The following CALN1 variants were observed in gnomAD, a reference collection of about 807,000 sequenced individuals.
CALN1 encodes the protein calneuron 1, also known as calcium-binding protein 8.
A neutral mutation model predicts 30.6 loss-of-function variants in CALN1; 17 were observed. The ratio of observed to expected loss-of-function variants is 0.56; its 90% CI spans 0.38 to 0.83. CALN1 has a LOEUF of 0.83. Among genes scored for constraint, CALN1 ranks in the 40% least tolerant of loss-of-function variants. CALN1 has a pLI of 0.00. For synonymous variants in CALN1, 156 were observed against 131.4 expected (o/e 1.19, Z -1.28); for missense variants, 291 against 354.9 (o/e 0.82, Z 1.45).
chr7:72,206,473 C>A (rs1213786641), intron 3 of CALN1, among the ~76,000 whole-genome samples: 3 of 152,196 alleles, frequency 2.0e-5, no homozygotes, highest in African/African-American at 7.2e-5. Flanking sequence ...CTTGCAATTG[C>A]ATGATTTGCT....
chr7:72,031,673 T>A (rs1208060956), intron 4 of CALN1, among the ~76,000 whole-genome samples: 2 of 151,618 alleles, frequency 1.3e-5, no homozygotes, highest in African/African-American at 4.9e-5. Flanking sequence ...GTTCGAGTGA[T>A]CTTCCCACCT....
intron 3 of CALN1, among the ~76,000 whole-genome samples, chr7:72,192,282 G>A (rs1376775254): frequency 1.3e-5 from 2 of 152,260 alleles, no homozygotes; most frequent in African/African-American, 4.8e-5. Flanking sequence ...AAGCATCTGT[G>A]TCCCTCTGCT....
chr7:72,467,877 G>A, the CALN1 span, among the ~76,000 whole-genome samples: 60 of 152,176 alleles, frequency 3.9e-4, no homozygotes, highest in African/African-American at 1.2e-3. Flanking sequence ...GTTACTTCCC[G>A]TTCCCCTCTA....
chr7:72,241,026 T>C (rs1229444630), intron 3 of CALN1, among the ~76,000 whole-genome samples: 2 of 152,210 alleles, frequency 1.3e-5, no homozygotes, highest in African/African-American at 4.8e-5. Flanking sequence ...TATCTGCCCC[T>C]CTCAATAGAC....
At chr7:72,430,221 A>G (rs1252567558) in intron 1 of CALN1, among the ~76,000 whole-genome samples, 1 of 148,262 alleles carries the variant, frequency 6.7e-6, no homozygotes, top group Non-Finnish European at 1.5e-5. Flanking sequence ...AATTATATTT[A>G]TAGATTATAT....
chr7:72,096,096 T>TAA (rs1196485791), intron 4 of CALN1, among the ~76,000 whole-genome samples: 27 of 143,974 alleles, frequency 1.9e-4, no homozygotes, highest in African/African-American at 3.1e-4. Context: ...TAGATAAAGA[T>TAA]AGATAGATAG....
chr7:72,315,702 C>T lies in CALN1; in HGVS notation c.120-36892G>A, dbSNP rs1019164979. Among the ~76,000 whole-genome samples, 229 of 150,120 alleles carry T rather than the reference C, an allele frequency of 1.5e-3. 5 individuals carry two copies. The highest frequency in any genetic ancestry group is 4.9e-4 in the Non-Finnish European group (33 of 67,738). ...CCTGTGTGACACAGTGAGACCCTGTCTCTAAAAAAAAAAAAAATTTCAAAA... is the reference window on the plus strand; with the variant it reads ...CCTGTGTGACACAGTGAGACCCTGTTTCTAAAAAAAAAAAAAATTTCAAAA... On this transcript the variant is annotated intron_variant, in intron 2 of 6. Transcript: ENST00000395275.
intron 2 of CALN1, among the ~76,000 whole-genome samples, chr7:72,306,135 T>C (rs1400694401): frequency 6.6e-6 from 1 of 152,152 alleles, no homozygotes; most frequent in African/African-American, 2.4e-5. Flanking sequence ...CTGACACTGG[T>C]ATAACATGAC....
chr7:72,443,574 A>G (rs1159741270), intron 1 of CALN1, among the ~76,000 whole-genome samples: 2 of 151,884 alleles, frequency 1.3e-5, no homozygotes, highest in African/African-American at 4.8e-5. Context: ...TCAGCCTAGG[A>G]TGATATTTCA....
At chr7:72,164,606 T>C (rs963411306) in intron 3 of CALN1, among the ~76,000 whole-genome samples, 1 of 152,150 alleles carries the variant, frequency 6.6e-6, no homozygotes. Context: ...CTGACACTGT[T>C]TTAAGCCACT....
chr7:72,217,695 G>C (rs1180996832), intron 3 of CALN1, among the ~76,000 whole-genome samples: 2 of 151,932 alleles, frequency 1.3e-5, no homozygotes, highest in Non-Finnish European at 2.9e-5. Flanking sequence ...AATATCACTG[G>C]GGCTGGGTGT....
Position 72,401,664 on chromosome 7 carries a change from C to T in CALN1, c.119+1587G>A, listed in dbSNP as rs1421455052. 2.0e-5 allele frequency among the ~76,000 whole-genome samples: 3 copies of T among 152,186 alleles called. No homozygotes were observed. In the East Asian group the frequency reaches 5.8e-4, roughly 29 times the overall value. ...GTGACACTCAACTGCCTAATTCACG[C>T]TGCTCGCAACTCTTGCCAAAAAATT... On this transcript the variant is annotated intron_variant, in intron 2 of 6. Transcript: ENST00000395275.
intron 6 of CALN1, among the ~76,000 whole-genome samples, chr7:71,797,067 C>T (rs1242007513): frequency 2.6e-5 from 4 of 152,206 alleles, no homozygotes; most frequent in African/African-American, 9.7e-5. Context: ...GAGACTCTGC[C>T]ACTCATTAGC....
Position 71,953,912 on chromosome 7 carries a change from G to A in CALN1, c.501+69745C>T, listed in dbSNP as rs899739928. Among the ~76,000 whole-genome samples, 4 of 152,216 alleles carry A rather than the reference G, an allele frequency of 2.6e-5. No individual in the cohort carries two copies. The East Asian group carries it at 5.8e-4, about 22-fold the overall frequency. On this transcript the variant is annotated intron_variant, in intron 5 of 6. Coordinates refer to ENST00000395275, the MANE Select transcript of CALN1 (RefSeq NM_031468.4). Reference sequence around the variant, plus strand: ...AGACAGGGAGAGCTAGGCAGGCAAGGTGGGGTTGGTGGTTGGCAGTGTGGA... The same window carrying A: ...AGACAGGGAGAGCTAGGCAGGCAAGATGGGGTTGGTGGTTGGCAGTGTGGA...
At chr7:72,369,321 AATAT>A (rs1216986582) in intron 2 of CALN1, among the ~76,000 whole-genome samples, 2 of 136,938 alleles carry the variant, frequency 1.5e-5, no homozygotes, top group African/African-American at 2.5e-5. Context: ...AAATATTTAT[AATAT>A]ATATAATTTA....
rs1217746167 is a variant in CALN1 at position 72,009,187 on chromosome 7, T to C, written c.501+14470A>G. Among the ~76,000 whole-genome samples, 5 of 152,212 alleles carry C rather than the reference T, an allele frequency of 3.3e-5. No homozygotes were observed. In the East Asian group the frequency reaches 9.6e-4, roughly 29 times the overall value. On this transcript the variant is annotated intron_variant, in intron 5 of 6. Transcript: ENST00000395275. ...TAAATCAATTCCATACTGTACAGAA[T>C]TTATTATACATCACAGAAAATAATA...
intron 2 of CALN1, among the ~76,000 whole-genome samples, chr7:72,362,547 A>C (rs1803633075): frequency 6.6e-6 from 1 of 152,146 alleles, no homozygotes; most frequent in Admixed American, 6.5e-5. Context: ...CTCCAGGTAA[A>C]GATGCAAATT....
intron 3 of CALN1, among the ~76,000 whole-genome samples, chr7:72,197,597 A>G (rs1791123261): frequency 6.6e-6 from 1 of 152,168 alleles, no homozygotes; most frequent in Non-Finnish European, 1.5e-5. Flanking sequence ...TGGGAGGCTG[A>G]GGTGGAAGGA....
intron 5 of CALN1, among the ~76,000 whole-genome samples, chr7:71,981,890 G>A (rs1417933937): frequency 6.6e-6 from 1 of 152,114 alleles, no homozygotes; most frequent in Non-Finnish European, 1.5e-5. Context: ...CAGTTGTGGT[G>A]GTGGTGGTAC....
Sources: allele counts gnomAD v4.1 joint callset (sites outside exome capture counted in the v4.1 genomes callset), GRCh38; gene constraint gnomAD v4.1.1; transcripts MANE v1.5; gene names NCBI Gene and HGNC (gene_info 2026-07-23, HGNC 2026-07-21).